Variants in FSTL4 observed in about 807,000 individuals in gnomAD.
FSTL4 encodes follistatin-related protein 4.
A neutral mutation model predicts 78.2 loss-of-function variants in FSTL4; 28 were observed. The ratio of observed to expected loss-of-function variants is 0.36; its 90% confidence interval spans 0.27 to 0.49. FSTL4 has a LOEUF of 0.49. Among genes scored for constraint, FSTL4 ranks in the 20% least tolerant of loss-of-function variants. The pLI is 0.98. For missense variants in FSTL4, 922 were observed against 1,084.9 expected (o/e 0.85, Z 2.11); for synonymous variants, 422 against 440.5 (o/e 0.96, Z 0.53).
At chr5:133,357,753 C>T (rs1164817009) in intron 4 of FSTL4, among the ~76,000 whole-genome samples, 1 of 152,112 alleles carries the variant, frequency 6.6e-6, no homozygotes, top group East Asian at 1.9e-4. Context: ...CTAGCACCCC[C>T]CACACCCCCT....
At chr5:133,457,899 G>A (rs1757523847) in intron 3 of FSTL4, 1 of 152,224 alleles carries the variant, frequency 6.6e-6, no homozygotes, top group Admixed American at 6.5e-5. Context: ...AATTCCTACA[G>A]CTGAGCATCA....
chr5:133,665,846 C>T, the FSTL4 span, among the ~76,000 whole-genome samples: 3 of 152,144 alleles, frequency 2.0e-5, no homozygotes, highest in African/African-American at 4.8e-5. Context: ...GCAAGAGAGC[C>T]CAGGCCTGTC....
chr5:133,567,503 T>C (rs1327775639), intron 2 of FSTL4, among the ~76,000 whole-genome samples: 3 of 152,244 alleles, frequency 2.0e-5, no homozygotes. Flanking sequence ...TATGGGCTGG[T>C]ACCAAGTGTT....
intron 4 of FSTL4, among the ~76,000 whole-genome samples, chr5:133,343,678 AT>A (rs1561680143): frequency 6.6e-6 from 1 of 152,220 alleles, no homozygotes; most frequent in Non-Finnish European, 1.5e-5. Flanking sequence ...AGTAAGAGAC[AT>A]TTTATCAAGG....
intron 8 of FSTL4, among the ~76,000 whole-genome samples, chr5:133,227,417 T>C (rs1022034956): frequency 1.3e-5 from 2 of 152,126 alleles, no homozygotes; most frequent in African/African-American, 4.8e-5. Flanking sequence ...CCCTGCTTGA[T>C]TCAAAGAGGA....
chr5:133,260,142 C>T (rs1195381163), intron 6 of FSTL4, among the ~76,000 whole-genome samples: 1 of 152,188 alleles, frequency 6.6e-6, no homozygotes, highest in Non-Finnish European at 1.5e-5. Flanking sequence ...CCCAAGTTTC[C>T]TGGGGTTGGA....
the FSTL4 span, among the ~76,000 whole-genome samples, chr5:133,663,295 C>T: frequency 2.6e-5 from 4 of 152,284 alleles, no homozygotes; most frequent in Middle Eastern, 0.01. Context: ...AGTTTAGACA[C>T]TGGTTTAGAC....
chr5:133,700,814 T>C, the FSTL4 span, among the ~76,000 whole-genome samples: 2 of 152,232 alleles, frequency 1.3e-5, no homozygotes, highest in East Asian at 3.8e-4. Flanking sequence ...AGTGTGAAGA[T>C]GAGTCTTTGA....
chr5:133,562,004 A>G (rs1324754236), intron 3 of FSTL4, among the ~76,000 whole-genome samples: 1 of 152,192 alleles, frequency 6.6e-6, no homozygotes, highest in Non-Finnish European at 1.5e-5. Context: ...TGTCACTCTC[A>G]ACTTCTTTGA....
chr5:133,734,398 T>C, the FSTL4 span, among the ~76,000 whole-genome samples: 1 of 152,186 alleles, frequency 6.6e-6, no homozygotes, highest in South Asian at 2.1e-4. Flanking sequence ...TTTACATATG[T>C]GTACAAAATA....
chr5:133,295,828 C>T (rs1441981099), intron 6 of FSTL4, among the ~76,000 whole-genome samples: 1 of 152,172 alleles, frequency 6.6e-6, no homozygotes, highest in Non-Finnish European at 1.5e-5. Context: ...TTTGGGGCTC[C>T]CACTCCTCTT....
the FSTL4 span, among the ~76,000 whole-genome samples, chr5:133,655,219 C>T: frequency 1.3e-5 from 2 of 152,154 alleles, no homozygotes; most frequent in African/African-American, 4.8e-5. Context: ...TCTCTTCTTC[C>T]CCATAATTAC....
chr5:133,721,251 A>C, the FSTL4 span, among the ~76,000 whole-genome samples: 1 of 152,188 alleles, frequency 6.6e-6, no homozygotes, highest in Non-Finnish European at 1.5e-5. Flanking sequence ...AACTCATCGT[A>C]GCTTTATTTA....
intron 3 of FSTL4, among the ~76,000 whole-genome samples, chr5:133,468,236 G>A (rs554387056): frequency 6.6e-6 from 1 of 152,348 alleles, no homozygotes; most frequent in African/African-American, 2.4e-5. Flanking sequence ...CACCAACAAG[G>A]GCTCTGTGGG....
chr5:133,805,944 C>A, the FSTL4 span, among the ~76,000 whole-genome samples: 6 of 152,200 alleles, frequency 3.9e-5, no homozygotes, highest in South Asian at 2.1e-4. Flanking sequence ...GCCAGACCCC[C>A]CAACCCCCGA....
intron 3 of FSTL4, among the ~76,000 whole-genome samples, chr5:133,468,190 G>A (rs1272468722): frequency 6.6e-6 from 1 of 152,214 alleles, no homozygotes; most frequent in Non-Finnish European, 1.5e-5. Flanking sequence ...GAGGCAGGCA[G>A]GGGGAGGCCT....
At chr5:133,282,785 C>T (rs1047288365) in intron 6 of FSTL4, among the ~76,000 whole-genome samples, 2 of 152,194 alleles carry the variant, frequency 1.3e-5, no homozygotes, top group African/African-American at 4.8e-5. Context: ...AGGGGTTTGT[C>T]ACCCTTGCCC....
rs565546339 is a variant in FSTL4, at chr5:133,367,747, G to A, written c.409+32991C>T. On this transcript the variant is annotated intron_variant, in intron 4 of 15. Transcript: ENST00000265342. The stretch of plus-strand genomic sequence containing the variant: ...CTGCAGTAGGCCACATCAGGAGTTG[G>A]AAACAAAGATCAGGAGAGTAGAAAA... Among the ~76,000 whole-genome samples, 3 of 152,336 alleles carry A rather than the reference G, an allele frequency of 2.0e-5. No homozygotes were observed. The South Asian group carries it at 6.2e-4, about 32-fold the overall frequency.
intron 2 of FSTL4, 128 bp from the exon 3 acceptor site, chr5:133,567,347 G>A: frequency 1.4e-6 from 1 of 724,662 alleles, no homozygotes; most frequent in Non-Finnish European, 2.4e-6. Flanking sequence ...ACATGACACT[G>A]AGCAATGTTG....
Sources: gnomAD v4.1 joint callset for allele counts (sites outside exome capture counted in the v4.1 genomes callset) on GRCh38, gnomAD v4.1.1 for gene constraint, MANE v1.5 for transcripts, NCBI Gene and HGNC (gene_info 2026-07-23, HGNC 2026-07-21) for gene names.